Variants in XIRP2 observed in about 807,000 individuals in gnomAD.
XIRP2 encodes the protein xin actin-binding repeat-containing protein 2.
XIRP2 carries 236 observed loss-of-function variants against 277.0 expected under a neutral mutation model. That is an observed-to-expected ratio of 0.85 (90% CI 0.77 to 0.95). XIRP2 has a LOEUF of 0.95. Ranked by LOEUF, XIRP2 falls within the 40% of genes least tolerant of loss-of-function variation. The pLI is 0.00. For missense variants in XIRP2, 4,640 were observed against 4,157.5 expected (o/e 1.12, Z -3.19); for synonymous variants, 1,490 against 1,416.5 (o/e 1.05, Z -1.17).
At chr2:167,153,769 T>C (rs1431963702) in intron 3 of XIRP2, among the ~76,000 whole-genome samples, 18 of 151,362 alleles carry the variant, frequency 1.2e-4, no homozygotes, top group African/African-American at 4.4e-4. Context: ...TAGTATTCCA[T>C]GGTGTATATG....
chr2:167,193,800 C>T (rs948068642), intron 3 of XIRP2, among the ~76,000 whole-genome samples: 1 of 146,084 alleles, frequency 6.8e-6, no homozygotes, highest in East Asian at 2.1e-4. Context: ...ATCACTTGAA[C>T]TGGGGAGGTG....
intron 2 of XIRP2, among the ~76,000 whole-genome samples, chr2:166,915,550 C>T (rs558893913): frequency 6.6e-6 from 1 of 152,232 alleles, no homozygotes; most frequent in Admixed American, 6.5e-5. Flanking sequence ...TTTGAAGCTT[C>T]CAGTTGCTGT....
At chr2:166,948,326 T>G (rs1685936143) in intron 2 of XIRP2, among the ~76,000 whole-genome samples, 1 of 152,040 alleles carries the variant, frequency 6.6e-6, no homozygotes, top group Non-Finnish European at 1.5e-5. Flanking sequence ...GGCAGGACAT[T>G]ATGGGAAATC....
At chr2:166,931,581 T>C (rs1157403312) in intron 2 of XIRP2, among the ~76,000 whole-genome samples, 2 of 152,220 alleles carry the variant, frequency 1.3e-5, no homozygotes, top group Non-Finnish European at 2.9e-5. Flanking sequence ...TTTTCCATGT[T>C]ACTGTGTATA....
intron 2 of XIRP2, among the ~76,000 whole-genome samples, chr2:167,087,710 T>C (rs1690003909): frequency 6.6e-6 from 1 of 152,208 alleles, no homozygotes; most frequent in Non-Finnish European, 1.5e-5. Flanking sequence ...ATTTTCCAGG[T>C]GCGTCTGTCA....
chr2:167,073,004 T>G (rs1689472501), intron 2 of XIRP2, among the ~76,000 whole-genome samples: 1 of 152,196 alleles, frequency 6.6e-6, no homozygotes, highest in South Asian at 2.1e-4. Context: ...TTGAAACAAC[T>G]ATGATACAAC....
chr2:166,905,514 A>G (rs1211426481), intron 2 of XIRP2, among the ~76,000 whole-genome samples: 2 of 151,970 alleles, frequency 1.3e-5, no homozygotes, highest in Non-Finnish European at 2.9e-5. Flanking sequence ...ATAATTATGA[A>G]AAGAACCAGA....
chr2:167,246,019 G>T lies in XIRP2; in HGVS notation c.4627G>T (p.Glu1543Ter). ...TCATGAATTTAATGAAACTAGAGTA[G>T]AAAAGATAGAAATTATTGGCAAGAG... ...PLHEFNETRV[E>*]KIEIIGKSIK... is the part of the protein sequence containing the mutation. The change falls in exon 9 of 11, where the codon GAA becomes TAA. Residue 1543 changes from glutamate (E) to a stop codon, truncating the protein, a stop_gained. Transcript: ENST00000409195. LOFTEE classifies it high-confidence loss of function. 1 of 1,613,126 alleles carries T rather than the reference G, an allele frequency of 6.2e-7. No individual in the cohort carries two copies. Among genetic ancestry groups the T allele is most frequent in the Non-Finnish European group, 8.5e-7 (1 of 1,179,658 alleles).
At position 167,248,626 on chromosome 2, in the gene XIRP2, A is replaced by G. The variant is rs1695363228; in HGVS notation, c.7234A>G (p.Ile2412Val). 1 of 1,613,764 alleles carries G rather than the reference A, an allele frequency of 6.2e-7. No individual in the cohort carries two copies. The highest frequency in any genetic ancestry group is 8.5e-7 in the Non-Finnish European group (1 of 1,179,824). The change falls in exon 9 of 11, where the codon ATA becomes GTA. Residue 2412 changes from isoleucine to valine, a missense_variant. By Grantham distance (29) the Ile-to-Val change is conservative. Coordinates refer to ENST00000409195, the MANE Select transcript of XIRP2 (RefSeq NM_152381.6). ...SNSQNSQAKI[I>V]TGKTGVLPPP... Reference sequence around the variant, plus strand: ...CTCTCAGAATTCTCAGGCTAAAATCATAACAGGAAAAACCGGTGTGTTGCC... The same window carrying G: ...CTCTCAGAATTCTCAGGCTAAAATCGTAACAGGAAAAACCGGTGTGTTGCC...
At chr2:167,081,400 C>T (rs367716379) in intron 2 of XIRP2, among the ~76,000 whole-genome samples, 56 of 152,166 alleles carry the variant, frequency 3.7e-4, no homozygotes, top group African/African-American at 1.2e-3. Flanking sequence ...TCCAGGAGTT[C>T]GAGGCTACAG....
chr2:167,015,418 TTATC>T (rs143244808), intron 2 of XIRP2, among the ~76,000 whole-genome samples: 9,418 of 147,206 alleles, frequency 0.064, 314 homozygotes, highest in East Asian at 0.11. Flanking sequence ...TATCTGTCTT[TTATC>T]TATCTATCTA....
At chr2:167,107,434 A>G (rs1055819677) in intron 2 of XIRP2, among the ~76,000 whole-genome samples, 16 of 151,636 alleles carry the variant, frequency 1.1e-4, no homozygotes, top group African/African-American at 3.9e-4. Flanking sequence ...TTTCTTGACA[A>G]TTTTCTGCAG....
At chr2:167,030,330 C>T (rs182302188) in intron 2 of XIRP2, among the ~76,000 whole-genome samples, 48 of 151,920 alleles carry the variant, frequency 3.2e-4, no homozygotes, top group African/African-American at 9.9e-4. Context: ...AGATCTTTCC[C>T]GCTTTCTCCT....
intron 2 of XIRP2, among the ~76,000 whole-genome samples, chr2:166,906,837 G>A (rs1574067046): frequency 6.6e-6 from 1 of 152,050 alleles, no homozygotes; most frequent in Non-Finnish European, 1.5e-5. Flanking sequence ...TGAGTCAGGA[G>A]GATCCCTTGA....
At chr2:166,929,122 C>T (rs1482430735) in intron 2 of XIRP2, among the ~76,000 whole-genome samples, 1 of 151,990 alleles carries the variant, frequency 6.6e-6, no homozygotes, top group Non-Finnish European at 1.5e-5. Context: ...GGGGCTTCCA[C>T]CAAGACCCGC....
intron 2 of XIRP2, among the ~76,000 whole-genome samples, chr2:166,984,485 C>G (rs1210466297): frequency 6.6e-6 from 1 of 151,896 alleles, no homozygotes; most frequent in Non-Finnish European, 1.5e-5. Flanking sequence ...AAAAATAAGT[C>G]TTTTAAAGAT....
intron 3 of XIRP2, among the ~76,000 whole-genome samples, chr2:167,161,712 T>C (rs1038234561): frequency 1.3e-5 from 2 of 152,246 alleles, no homozygotes; most frequent in African/African-American, 4.8e-5. Context: ...TGAAGACCTC[T>C]GACATGTCTT....
chr2:167,214,205 AGAGG>A lies in XIRP2; in HGVS notation c.723+3331_723+3334del, dbSNP rs1287801221. Among the ~76,000 whole-genome samples the A allele has an allele frequency of 6.8e-3, 453 of 67,042 alleles. 28 individuals are homozygous for A. Among genetic ancestry groups the A allele is most frequent in the East Asian group, 0.039 (73 of 1,866 alleles). 44.0% of individuals were successfully genotyped at this position (67,042 alleles called of 152,430 possible). The stretch of plus-strand genomic sequence containing the variant: ...GAAGGAAGGAAAGAGAGAGAGAAAG[AGAGG>A]GAGGGAGGGAGGGAGGGAGGAAGGA... On this transcript the variant is annotated intron_variant, in intron 4 of 10. Coordinates refer to ENST00000409195, the MANE Select transcript of XIRP2 (RefSeq NM_152381.6).
intron 2 of XIRP2, among the ~76,000 whole-genome samples, chr2:166,957,755 A>G (rs1387727829): frequency 2.6e-5 from 4 of 151,828 alleles, no homozygotes; most frequent in African/African-American, 9.7e-5. Context: ...AACCATGCAG[A>G]TAGACCCATA....
Sources: allele counts gnomAD v4.1 joint callset (sites outside exome capture counted in the v4.1 genomes callset), GRCh38; gene constraint gnomAD v4.1.1; transcripts MANE v1.5; gene names NCBI Gene and HGNC (gene_info 2026-07-23, HGNC 2026-07-21).